XKR9: variants seen among roughly 807,000 people sequenced by gnomAD.
XKR9 encodes XK related 9.
Under a neutral mutation model 32.0 loss-of-function variants are expected in XKR9, and 32 were observed. The observed-to-expected ratio is 1.00, with a 90% confidence interval of 0.76 to 1.34. XKR9 has a LOEUF of 1.34. XKR9 is among the 40% of genes most tolerant of loss of function. XKR9 has a pLI of 0.00. For missense variants in XKR9, 546 were observed against 429.7 expected (o/e 1.27, Z -2.39); for synonymous variants, 168 against 143.4 (o/e 1.17, Z -1.22).
At chr8:70,912,352 T>C in the XKR9 span, among the ~76,000 whole-genome samples, 1 of 152,026 alleles carries the variant, frequency 6.6e-6, no homozygotes, top group African/African-American at 2.4e-5. Flanking sequence ...TGTAGATGCA[T>C]TACATGAAGA....
At chr8:70,787,638 A>G (rs562335311) in intron 2 of XKR9, among the ~76,000 whole-genome samples, 26 of 152,230 alleles carry the variant, frequency 1.7e-4, no homozygotes, top group African/African-American at 6.0e-4. Flanking sequence ...TTAAAACGCT[A>G]CAGAAGAGAA....
chr8:70,989,545 T>A, the XKR9 span, among the ~76,000 whole-genome samples: 5 of 152,220 alleles, frequency 3.3e-5, no homozygotes, highest in African/African-American at 1.2e-4. Context: ...AGCTGAGCTG[T>A]GACTCTCAGC....
chr8:70,715,815 T>C (rs1377728843), intron 4 of XKR9, among the ~76,000 whole-genome samples: 6 of 152,118 alleles, frequency 3.9e-5, no homozygotes, highest in Admixed American at 2.0e-4. Flanking sequence ...AAGGTTTCAA[T>C]GGAAAACATT....
chr8:71,025,151 C>T, the XKR9 span, among the ~76,000 whole-genome samples: 211 of 75,336 alleles, frequency 2.8e-3, 1 homozygote, highest in African/African-American at 7.9e-3. Context: ...GCATAGCTGC[C>T]GTATGAAACC....
chr8:70,879,933 G>A, the XKR9 span, among the ~76,000 whole-genome samples: 40 of 152,176 alleles, frequency 2.6e-4, no homozygotes, highest in Admixed American at 7.9e-4. Flanking sequence ...CACCACGATC[G>A]AATCGGCTTC....
At chr8:70,674,939 G>A (rs527652593) in intron 2 of XKR9, 40 bp downstream of exon 2, 1 of 152,216 alleles carries the variant, frequency 6.6e-6, no homozygotes, top group Admixed American at 6.5e-5. Context: ...TGGTTGACAA[G>A]GGAAAGTTTC....
chr8:71,055,629 T>G, the XKR9 span, among the ~76,000 whole-genome samples: 2 of 152,180 alleles, frequency 1.3e-5, no homozygotes, highest in African/African-American at 4.8e-5. Context: ...CTTCCTACAG[T>G]AATATGGTGA....
chr8:70,960,432 G>T, the XKR9 span, among the ~76,000 whole-genome samples: 1 of 152,072 alleles, frequency 6.6e-6, no homozygotes, highest in African/African-American at 2.4e-5. Context: ...GTCCACTAAA[G>T]CTATGCATCC....
the XKR9 span, among the ~76,000 whole-genome samples, chr8:71,028,118 A>T: frequency 6.6e-6 from 1 of 152,222 alleles, no homozygotes; most frequent in Non-Finnish European, 1.5e-5. Context: ...TGGAATTTTG[A>T]TAAGGATTGC....
At chr8:70,802,718 A>T in the XKR9 span, among the ~76,000 whole-genome samples, 17 of 152,282 alleles carry the variant, frequency 1.1e-4, no homozygotes, top group African/African-American at 4.1e-4. Context: ...AAAGGATCTT[A>T]TTTCTCCTTC....
intron 2 of XKR9, among the ~76,000 whole-genome samples, chr8:70,789,030 T>G (rs1218881633): frequency 6.6e-6 from 1 of 152,084 alleles, no homozygotes; most frequent in East Asian, 1.9e-4. Flanking sequence ...ACCATTATAA[T>G]TTAGTTTTTC....
chr8:70,791,083 C>A (rs756601178), downstream of XKR9, among the ~76,000 whole-genome samples: 8 of 152,140 alleles, frequency 5.3e-5, no homozygotes, highest in Non-Finnish European at 1.0e-4. Flanking sequence ...ACATAAATTT[C>A]AGGGGTGAGA....
chr8:71,043,100 G>T, the XKR9 span, among the ~76,000 whole-genome samples: 1 of 152,112 alleles, frequency 6.6e-6, no homozygotes, highest in Non-Finnish European at 1.5e-5. Context: ...ACCGCTAAGT[G>T]GTGTGGAACA....
the XKR9 span, among the ~76,000 whole-genome samples, chr8:70,888,930 A>G: frequency 6.6e-6 from 1 of 151,980 alleles, no homozygotes; most frequent in African/African-American, 2.4e-5. Context: ...TGCTTTGGCT[A>G]TTCAGAGTCT....
chr8:70,739,859 C>T (rs894944997), downstream of XKR9, among the ~76,000 whole-genome samples: 66 of 152,290 alleles, frequency 4.3e-4, 1 homozygote, highest in African/African-American at 1.4e-3. Flanking sequence ...ATGGGCTTCC[C>T]TTTGTGGGTA....
At chr8:70,903,831 A>T in the XKR9 span, among the ~76,000 whole-genome samples, 3 of 151,960 alleles carry the variant, frequency 2.0e-5, no homozygotes, top group Non-Finnish European at 4.4e-5. Flanking sequence ...AGATTCTGGT[A>T]TGTTGTGTCT....
chr8:70,853,575 G>A, the XKR9 span, among the ~76,000 whole-genome samples: 1 of 151,350 alleles, frequency 6.6e-6, no homozygotes, highest in Non-Finnish European at 1.5e-5. Context: ...TTAAGATTTA[G>A]GGTACATATG....
chr8:70,753,651 C>T (rs1807174498), intron 2 of XKR9, among the ~76,000 whole-genome samples: 1 of 151,916 alleles, frequency 6.6e-6, no homozygotes, highest in Non-Finnish European at 1.5e-5. Flanking sequence ...ATAAACAGAA[C>T]CAAAGACAAA....
At chr8:70,861,612 T>A in the XKR9 span, among the ~76,000 whole-genome samples, 1 of 152,090 alleles carries the variant, frequency 6.6e-6, no homozygotes, top group Admixed American at 6.5e-5. Flanking sequence ...GCTATGATTG[T>A]GTCACTGCAC....
Sources: allele counts gnomAD v4.1 joint callset (sites outside exome capture counted in the v4.1 genomes callset), GRCh38; gene constraint gnomAD v4.1.1; transcripts MANE v1.5; gene names NCBI Gene and HGNC (gene_info 2026-07-23, HGNC 2026-07-21).